Variants in CCDC152 observed in about 807,000 individuals in gnomAD.
CCDC152 encodes coiled-coil domain-containing protein 152.
Under a neutral mutation model 38.1 loss-of-function variants are expected in CCDC152, and 37 were observed. The observed-to-expected ratio is 0.97, with a 90% confidence interval of 0.75 to 1.28. CCDC152 has a LOEUF of 1.28. Among genes scored for constraint, CCDC152 ranks in the 50% most tolerant of loss-of-function variants. The pLI, the probability that CCDC152 is intolerant of heterozygous loss-of-function variation, is 0.00. For synonymous variants in CCDC152, 83 were observed against 87.1 expected (o/e 0.95, Z 0.26); for missense variants, 259 against 292.1 (o/e 0.89, Z 0.83).
chr5:42,777,957 G>T (rs558449120), intron 4 of CCDC152, among the ~76,000 whole-genome samples: 11 of 152,192 alleles, frequency 7.2e-5, no homozygotes, highest in Middle Eastern at 3.4e-3. Context: ...TATTTCCAAG[G>T]CTCCTCTCAA....
chr5:42,765,339 T>C (rs1232930024), intron 3 of CCDC152, among the ~76,000 whole-genome samples: 2 of 152,102 alleles, frequency 1.3e-5, no homozygotes, highest in Non-Finnish European at 2.9e-5. Flanking sequence ...CCCGTACTAC[T>C]CAAAGGAATC....
intron 1 of CCDC152, among the ~76,000 whole-genome samples, chr5:42,758,609 ACT>A (rs1759511028): frequency 6.6e-6 from 1 of 152,318 alleles, no homozygotes; most frequent in East Asian, 1.9e-4. Context: ...TAAAACTGAA[ACT>A]CTTATTCTTC....
At chr5:42,795,486 A>G (rs1052441513) in intron 6 of CCDC152, among the ~76,000 whole-genome samples, 1 of 152,262 alleles carries the variant, frequency 6.6e-6, no homozygotes, top group Non-Finnish European at 1.5e-5. Context: ...ATGCAAAATT[A>G]GTAATGATAT....
Position 42,796,366 on chromosome 5 carries a change from G to A in CCDC152, c.431-463G>A, listed in dbSNP as rs1760075914. ...AGCCTCTCATCCTAGATGTCATGGT[G>A]TCATTAACAGGAATAAGAAAGTTGG... On this transcript the variant is annotated intron_variant, in intron 6 of 8. Coordinates refer to ENST00000361970, the MANE Select transcript of CCDC152 (RefSeq NM_001134848.2). Among the ~76,000 whole-genome samples, 4 of 152,068 alleles carry A rather than the reference G, an allele frequency of 2.6e-5. No individual in the cohort carries two copies. In the South Asian group the frequency reaches 8.3e-4, roughly 32 times the overall value.
chr5:42,784,105 C>T (rs1301743979), intron 6 of CCDC152, among the ~76,000 whole-genome samples: 2 of 152,014 alleles, frequency 1.3e-5, no homozygotes. Flanking sequence ...TGGGTAGATA[C>T]CCAATAGTAG....
At chr5:42,768,486 C>T (rs1241849281) in intron 3 of CCDC152, among the ~76,000 whole-genome samples, 1 of 152,072 alleles carries the variant, frequency 6.6e-6, no homozygotes, top group Non-Finnish European at 1.5e-5. Context: ...TGGTGGCTAC[C>T]AATATTATAG....
At chr5:42,794,891 A>C (rs976305007) in intron 6 of CCDC152, among the ~76,000 whole-genome samples, 3 of 152,198 alleles carry the variant, frequency 2.0e-5, no homozygotes, top group African/African-American at 4.8e-5. Flanking sequence ...TAACCACTAA[A>C]GGAAGAATAA....
At chr5:42,796,560 C>T (rs1033079532) in intron 6 of CCDC152, among the ~76,000 whole-genome samples, 2 of 152,284 alleles carry the variant, frequency 1.3e-5, no homozygotes, top group African/African-American at 4.8e-5. Flanking sequence ...CACTGTATCT[C>T]CCATTTATTT....
At chr5:42,760,331 T>C (rs947803063) in intron 2 of CCDC152, among the ~76,000 whole-genome samples, 1 of 150,492 alleles carries the variant, frequency 6.6e-6, no homozygotes, top group Non-Finnish European at 1.5e-5. Context: ...AAAGAAAGCC[T>C]ACATTGTCCA....
intron 5 of CCDC152, among the ~76,000 whole-genome samples, chr5:42,782,097 A>C (rs546428323): frequency 1.3e-5 from 2 of 152,310 alleles, no homozygotes; most frequent in East Asian, 3.9e-4. Flanking sequence ...GCACTTTGCA[A>C]ATCCCAAACT....
At chr5:42,775,247 G>A (rs529799506) in intron 4 of CCDC152, among the ~76,000 whole-genome samples, 1 of 151,932 alleles carries the variant, frequency 6.6e-6, no homozygotes, top group African/African-American at 2.4e-5. Flanking sequence ...CAGGGTAAAT[G>A]CTCAAAAAAC....
In CCDC152 at chr5:42,801,185, C is replaced by A. The variant is rs766400584; in HGVS notation, c.*1404C>A. ...TAGGAGCATTTGGTGCTCCTGGTTGCTGATTCTCTGAAAGCTCACTGCTGC... is the reference window on the plus strand; with the variant it reads ...TAGGAGCATTTGGTGCTCCTGGTTGATGATTCTCTGAAAGCTCACTGCTGC... On this transcript the variant is annotated 3_prime_UTR_variant, in exon 9 of 9. Transcript: ENST00000361970. 6.2e-6 allele frequency: 10 copies of A among 1,613,990 alleles called. No homozygotes were observed. The highest frequency in any genetic ancestry group is 1.3e-5 in the African/African-American group (1 of 74,892).
chr5:42,762,038 A>C (rs1362234758), intron 2 of CCDC152, among the ~76,000 whole-genome samples: 3 of 152,202 alleles, frequency 2.0e-5, no homozygotes, highest in Non-Finnish European at 2.9e-5. Flanking sequence ...CGCAAACCTA[A>C]ATGGTGTAGC....
intron 5 of CCDC152, among the ~76,000 whole-genome samples, chr5:42,782,979 C>A (rs539198392): frequency 6.6e-6 from 1 of 151,988 alleles, no homozygotes; most frequent in Admixed American, 6.6e-5. Context: ...ACGCCATTCT[C>A]CTGCCTCAGC....
At chr5:42,786,736 C>T (rs1010865197) in intron 6 of CCDC152, among the ~76,000 whole-genome samples, 1 of 151,878 alleles carries the variant, frequency 6.6e-6, no homozygotes, top group Non-Finnish European at 1.5e-5. Flanking sequence ...TTAGGTGCAA[C>T]GTTGGGTTGT....
At chr5:42,771,608 C>G (rs888020004) in intron 4 of CCDC152, among the ~76,000 whole-genome samples, 2 of 151,576 alleles carry the variant, frequency 1.3e-5, no homozygotes, top group Non-Finnish European at 2.9e-5. Context: ...TCCTAGGGGG[C>G]GTGAGGAGGA....
chr5:42,758,849 G>A (rs1314220819), intron 1 of CCDC152, among the ~76,000 whole-genome samples: 2 of 152,156 alleles, frequency 1.3e-5, no homozygotes, highest in Admixed American at 6.5e-5. Flanking sequence ...TAAAAGTCAT[G>A]CCTCAGATTT....
intron 3 of CCDC152, among the ~76,000 whole-genome samples, chr5:42,767,151 A>T (rs960717085): frequency 6.6e-6 from 1 of 152,128 alleles, no homozygotes; most frequent in Non-Finnish European, 1.5e-5. Context: ...CATAAGAATG[A>T]CAACTTATGG....
chr5:42,772,843 A>G (rs916288805), intron 4 of CCDC152, among the ~76,000 whole-genome samples: 3 of 152,162 alleles, frequency 2.0e-5, no homozygotes, highest in African/African-American at 7.2e-5. Flanking sequence ...TAATCTGCTT[A>G]TTTAAGCTAC....
Sources: gnomAD v4.1 joint callset for allele counts (sites outside exome capture counted in the v4.1 genomes callset) on GRCh38, gnomAD v4.1.1 for gene constraint, MANE v1.5 for transcripts, NCBI Gene and HGNC (gene_info 2026-07-23, HGNC 2026-07-21) for gene names.